TMEM11: variants seen among roughly 807,000 people sequenced by gnomAD.
The protein encoded by TMEM11 is transmembrane protein 11.
A neutral mutation model predicts 17.0 loss-of-function variants in TMEM11; 1 was observed. The ratio of observed to expected loss-of-function variants is 0.06; its 90% CI spans 0.02 to 0.28. The LOEUF (loss-of-function observed/expected upper bound fraction) is 0.28, where lower values mean the gene tolerates loss of function less well. TMEM11 is among the 10% of genes least tolerant of loss of function. The pLI, the probability that TMEM11 is intolerant of heterozygous loss-of-function variation, is 1.00. For synonymous variants in TMEM11, 122 were observed against 118.1 expected, an observed-to-expected ratio of 1.03 and a Z score of -0.21; for missense variants, 172 against 252.9, an observed-to-expected ratio of 0.68 and a Z score of 2.17.
intron 1 of TMEM11, chr17:21,211,114 C>A: frequency 7.8e-7 from 1 of 1,289,838 alleles, no homozygotes. Context: ...AAGACGCCGA[C>A]AGGACAAGTG....
At position 21,198,341 on chromosome 17, in the gene TMEM11, C is replaced by T. The variant is rs775552645; in HGVS notation, c.562G>A (p.Glu188Lys). 15 of 1,612,328 alleles carry T rather than the reference C, an allele frequency of 9.3e-6. No homozygotes were observed. The highest frequency in any genetic ancestry group is 1.2e-5 in the Non-Finnish European group (14 of 1,178,518). Residue 188 changes from glutamate to lysine, a missense_variant, in exon 2 of 2, where the codon GAA becomes AAA. By Grantham distance (56) the Glu-to-Lys change is moderately conservative (BLOSUM62 1). Transcript: ENST00000317635. This position sits in a 1 kb window ranked among gnomAD's most constrained non-coding sequence, Gnocchi z 6.5. ...TACTGAAATCATACGGCATAGAGTT[C>T]GTAAATCTTCTTTACACAGTACACC... Reference protein sequence around the residue: ...ALVYCVKKIYELYAV With the variant: ...ALVYCVKKIYKLYAV
chr17:21,207,490 T>A (rs1213827028), intron 1 of TMEM11, among the ~76,000 whole-genome samples: 1 of 151,916 alleles, frequency 6.6e-6, no homozygotes, highest in African/African-American at 2.4e-5. Context: ...ACTGCACCAC[T>A]GCATTCCAGC....
chr17:21,211,586 C>G (rs770475417), intron 1 of TMEM11, among the ~76,000 whole-genome samples: 1 of 152,240 alleles, frequency 6.6e-6, no homozygotes, highest in African/African-American at 2.4e-5. Context: ...ACACGCTACA[C>G]GTGCTAAACT....
In TMEM11 at chr17:21,198,056, C is replaced by T; in HGVS notation, c.*268G>A. On this transcript the variant is annotated 3_prime_UTR_variant, in exon 2 of 2. Transcript: ENST00000317635. This position sits in a 1 kb window ranked among gnomAD's most constrained non-coding sequence, Gnocchi z 6.5. Reference sequence around the variant, plus strand: ...CCTCCCCCAAAGCACGTCCACACCCCCTCGGCAGCGTCTGCCTCCATCAGC... The same window carrying T: ...CCTCCCCCAAAGCACGTCCACACCCTCTCGGCAGCGTCTGCCTCCATCAGC... The T allele has an allele frequency of 2.3e-6, 1 of 440,800 alleles. No homozygotes were observed. Among genetic ancestry groups the T allele is most frequent in the Non-Finnish European group, 4.0e-6 (1 of 247,976 alleles). The allele number at this position is 440,800 out of a possible 1,614,324, so 27.3% of individuals were successfully genotyped here. A position where few individuals can be genotyped will look rare whatever the true frequency, so the allele number is the denominator to read the frequency against.
rs144784029 is a variant in TMEM11, at chr17:21,212,794, T to C, written c.62+1297A>G. ...AGGTTATTTCGTATTACTGTTTGCA[T>C]TGAATATCTTGAAAATGTTTGCTAG... On this transcript the variant is annotated intron_variant, in intron 1 of 1. Transcript: ENST00000317635. 1.7e-4 allele frequency among the ~76,000 whole-genome samples: 26 copies of C among 152,358 alleles called. 1 individual carries two copies. The highest frequency in any genetic ancestry group is 1.6e-3 in the Admixed American group (25 of 15,302).
chr17:21,213,918 T>C (rs1975032102), intron 1 of TMEM11, 173 bp downstream of exon 1: 2 of 640,058 alleles, frequency 3.1e-6, no homozygotes, highest in East Asian at 3.0e-5. Flanking sequence ...GCCTTCGACC[T>C]CGCTCCCACC....
rs1159537345 is a variant in TMEM11 at position 21,201,417 on chromosome 17, G to A, written c.63-2577C>T. ...GGTGGGACAAGAGCCTCCTAAACATGGGTTGCTGCCAAGCCACCTGTGACT... is the reference window on the plus strand; with the variant it reads ...GGTGGGACAAGAGCCTCCTAAACATAGGTTGCTGCCAAGCCACCTGTGACT... On this transcript the variant is annotated intron_variant, in intron 1 of 1. Coordinates refer to ENST00000317635, the MANE Select transcript of TMEM11 (RefSeq NM_003876.3). 2.0e-5 allele frequency among the ~76,000 whole-genome samples: 3 copies of A among 152,220 alleles called. No homozygotes were observed. In the East Asian group the frequency reaches 5.8e-4, roughly 29 times the overall value.
At chr17:21,209,106 G>A (rs898786465) in intron 1 of TMEM11, among the ~76,000 whole-genome samples, 3 of 152,246 alleles carry the variant, frequency 2.0e-5, no homozygotes, top group Admixed American at 1.3e-4. Flanking sequence ...GCCTGAGGAC[G>A]GCTCCCACAG....
rs1974847588 is a variant in TMEM11 at position 21,198,724 on chromosome 17, A to G, written c.179T>C (p.Ile60Thr). The G allele has an allele frequency of 6.2e-7, 1 of 1,614,034 alleles. No homozygotes were observed. Among genetic ancestry groups the G allele is most frequent in the Non-Finnish European group, 8.5e-7 (1 of 1,180,050 alleles). ...GCCAATGCGAGTGGGCTCAATCACA[A>G]TGTACTTGTACTGGGCTTCCAGGGC... ...EQALEAQYKY[I>T]VIEPTRIGDE... is the part of the protein sequence containing the mutation. The change falls in exon 2 of 2, where the codon ATT becomes ACT. Residue 60 changes from isoleucine (I) to threonine (T), a missense_variant. Physicochemically the swap from Ile to Thr is moderately conservative, Grantham distance 89 (BLOSUM62 -1). Around this residue, in one of 2 missense-constraint regions of TMEM11, gnomAD observed 123 missense variants for 213.6 expected, o/e 0.58. Transcript: ENST00000317635. This position sits in a 1 kb window ranked among gnomAD's most constrained non-coding sequence, Gnocchi z 6.5.
intron 1 of TMEM11, among the ~76,000 whole-genome samples, chr17:21,212,915 T>C (rs559808821): frequency 6.6e-6 from 1 of 152,380 alleles, no homozygotes; most frequent in African/African-American, 2.4e-5. Flanking sequence ...TGTTTACCAC[T>C]GCTTTTCCAA....
intron 1 of TMEM11, among the ~76,000 whole-genome samples, chr17:21,211,692 G>T (rs942218428): frequency 2.6e-5 from 4 of 152,186 alleles, no homozygotes; most frequent in Admixed American, 6.5e-5. Flanking sequence ...GTTGGTAGCC[G>T]CTGGCAAATC....
chr17:21,201,433 A>G (rs1109514), intron 1 of TMEM11, among the ~76,000 whole-genome samples: 81,104 of 152,112 alleles, frequency 0.53, 21,741 homozygotes, highest in African/African-American at 0.59. Context: ...CTGCCAAGCC[A>G]CCTGTGACTG....
rs754498893 is a variant in TMEM11 at position 21,198,868 on chromosome 17, G to A, written c.63-28C>T. 6.4e-7 allele frequency: 1 copy of A among 1,571,284 alleles called. No homozygotes were observed. The highest frequency in any genetic ancestry group is 2.3e-5 in the East Asian group (1 of 44,348). On this transcript the variant is annotated intron_variant, in intron 1 of 1. Transcript: ENST00000317635. This position sits in a 1 kb window ranked among gnomAD's most constrained non-coding sequence, Gnocchi z 6.5. Reference sequence around the variant, plus strand: ...TTTGATGGAGGGGGCAGGAAAGGGAGAGAGAGAGAGAGACAGGATGATTAG... The same window carrying A: ...TTTGATGGAGGGGGCAGGAAAGGGAAAGAGAGAGAGAGACAGGATGATTAG...
At chr17:21,208,227 C>G (rs1281711433) in intron 1 of TMEM11, among the ~76,000 whole-genome samples, 3 of 152,052 alleles carry the variant, frequency 2.0e-5, no homozygotes, top group Admixed American at 2.0e-4. Context: ...CTCCTGACCT[C>G]GTGATCCGCC....
chr17:21,200,211 G>A (rs1974868437), intron 1 of TMEM11, among the ~76,000 whole-genome samples: 1 of 152,236 alleles, frequency 6.6e-6, no homozygotes, highest in South Asian at 2.1e-4. Flanking sequence ...TTGGTTTCAG[G>A]CCTCTGCGGT....
Position 21,198,963 on chromosome 17 carries a change from A to C in TMEM11, c.63-123T>G. The C allele has an allele frequency of 2.5e-5, 26 of 1,025,148 alleles. No homozygotes were observed. Among genetic ancestry groups the C allele is most frequent in the Non-Finnish European group, 3.6e-5 (26 of 718,104 alleles). The allele number at this position is 1,025,148 out of a possible 1,614,324, so 63.5% of individuals were successfully genotyped here. ...GCCTGCACTGCGGAGAGCACATCTC[A>C]CTTGGGTCCTCATCTCCTTTAAATC... is the stretch of plus-strand genomic sequence containing the variant. On this transcript the variant is annotated intron_variant, in intron 1 of 1. Coordinates refer to ENST00000317635, the MANE Select transcript of TMEM11 (RefSeq NM_003876.3). This position sits in a 1 kb window ranked among gnomAD's most constrained non-coding sequence, Gnocchi z 6.5.
At chr17:21,210,585 G>A (rs1384541796) in intron 1 of TMEM11, among the ~76,000 whole-genome samples, 2 of 152,158 alleles carry the variant, frequency 1.3e-5, no homozygotes, top group African/African-American at 2.4e-5. Flanking sequence ...ACCTGCCCCC[G>A]GGGCCTGTGC....
At chr17:21,201,344 T>C (rs1974881467) in intron 1 of TMEM11, among the ~76,000 whole-genome samples, 3 of 152,212 alleles carry the variant, frequency 2.0e-5, no homozygotes, top group African/African-American at 7.2e-5. Context: ...AATTCAATCA[T>C]AGGCCCTAAT....
intron 1 of TMEM11, among the ~76,000 whole-genome samples, chr17:21,206,038 T>G (rs1974938593): frequency 8.6e-6 from 1 of 116,430 alleles, no homozygotes; most frequent in Admixed American, 7.9e-5. Context: ...TTTGAGTCCC[T>G]GCTTTTTTTG....
Sources: gnomAD v4.1 joint callset for allele counts (sites outside exome capture counted in the v4.1 genomes callset) on GRCh38, gnomAD v4.1.1 for gene constraint, gnomAD v4.1.1 regional missense constraint, Gnocchi (gnomAD v3.1) non-coding constraint, MANE v1.5 for transcripts, NCBI Gene and HGNC (gene_info 2026-07-23, HGNC 2026-07-21) for gene names.